Variants in PTP4A1 observed in about 807,000 individuals in gnomAD.
The protein encoded by PTP4A1 is protein tyrosine phosphatase 4A1.
A neutral mutation model predicts 20.5 loss-of-function variants in PTP4A1; 9 were observed. That is an observed-to-expected ratio of 0.44 (90% CI 0.26 to 0.77). The LOEUF (loss-of-function observed/expected upper bound fraction) is 0.77, where lower values mean the gene tolerates loss of function less well. Ranked by LOEUF, PTP4A1 falls within the 30% of genes least tolerant of loss-of-function variation. The probability of loss-of-function intolerance (pLI) is 0.19; values close to 1 mark genes in which losing one functional copy is unlikely to be tolerated. For missense variants in PTP4A1, 137 were observed against 218.8 expected (o/e 0.63, Z 2.36); for synonymous variants, 78 against 67.4 (o/e 1.16, Z -0.77).
chr6:63,562,031 A>G (rs1040598123), intron 3 of PTP4A1, among the ~76,000 whole-genome samples: 6 of 152,220 alleles, frequency 3.9e-5, no homozygotes, highest in African/African-American at 1.4e-4. Flanking sequence ...GGAAGTTATA[A>G]ATAAAAAATT....
chr6:63,552,230 T>G (rs950165695), intron 3 of PTP4A1, among the ~76,000 whole-genome samples: 1 of 152,236 alleles, frequency 6.6e-6, no homozygotes, highest in African/African-American at 2.4e-5. Flanking sequence ...GCATTCTAAC[T>G]GGTGTGAGAT....
rs1358161166 is a variant in PTP4A1 at position 63,581,944 on chromosome 6, T to C, written c.*1770T>C. ...TAATCTAAATCTAGATGTCTTTGTCTAATTTTTTTTGAATAGCAGTTATAA... is the reference window on the plus strand; with the variant it reads ...TAATCTAAATCTAGATGTCTTTGTCCAATTTTTTTTGAATAGCAGTTATAA... On this transcript the variant is annotated 3_prime_UTR_variant, in exon 6 of 6. Coordinates refer to ENST00000626021, the MANE Select transcript of PTP4A1 (RefSeq NM_003463.5). 1 of 152,198 alleles carries C rather than the reference T, an allele frequency of 6.6e-6. No individual in the cohort carries two copies. The highest frequency in any genetic ancestry group is 1.5e-5 in the Non-Finnish European group (1 of 68,012). The allele number at this position is 152,198 out of a possible 1,614,324, so 9.4% of individuals were successfully genotyped here.
rs1430192135 is a variant in PTP4A1, at chr6:63,551,672, G to A, written c.-446+1179G>A. 2.0e-5 allele frequency among the ~76,000 whole-genome samples: 3 copies of A among 151,870 alleles called. No homozygotes were observed. In the East Asian group the frequency reaches 5.8e-4, roughly 29 times the overall value. On this transcript the variant is annotated intron_variant, in intron 3 of 3. Coordinates refer to the PTP4A1 transcript ENST00000639568. ...GTTTACATTAGTTATATCTCCTAAT[G>A]CTATCCCTCCCCCCTCCCCCTACCC...
At chr6:63,538,924 A>G (rs1173360966) in intron 2 of PTP4A1, among the ~76,000 whole-genome samples, 1 of 152,024 alleles carries the variant, frequency 6.6e-6, no homozygotes, top group Admixed American at 6.6e-5. Flanking sequence ...ATGGAGTCTC[A>G]CTCTGTCACC....
chr6:63,563,569 T>C (rs1777057418), intron 3 of PTP4A1, among the ~76,000 whole-genome samples: 1 of 152,224 alleles, frequency 6.6e-6, no homozygotes, highest in African/African-American at 2.4e-5. Flanking sequence ...ATAAATATAT[T>C]CTATGCTTAT....
At chr6:63,528,276 A>G (rs1253318820) in intron 2 of PTP4A1, among the ~76,000 whole-genome samples, 1 of 151,154 alleles carries the variant, frequency 6.6e-6, no homozygotes, top group Admixed American at 6.6e-5. Context: ...CACATAGTAT[A>G]TTTTCTGCTC....
chr6:63,568,546 A>G (rs1777283267), upstream of PTP4A1, among the ~76,000 whole-genome samples: 1 of 152,224 alleles, frequency 6.6e-6, no homozygotes, highest in Admixed American at 6.5e-5. Context: ...AGTTTGAAAT[A>G]TTGGGAGAAT....
Position 63,580,307 on chromosome 6 carries a change from C to CCTCAA in PTP4A1, c.*134_*138dup. ...AGTATTGAAAGGCAGTTTTACCAGG[C>CCTCAA]CTCAAGCTAGACAGATTTGGCAACC... On this transcript the variant is annotated 3_prime_UTR_variant, in exon 6 of 6. Transcript: ENST00000626021. 1.4e-6 allele frequency: 1 copy of CCTCAA among 731,510 alleles called. No individual in the cohort carries two copies. Among genetic ancestry groups the CCTCAA allele is most frequent in the Non-Finnish European group, 2.3e-6 (1 of 437,578 alleles). The allele number at this position is 731,510 out of a possible 1,614,324, so 45.3% of individuals were successfully genotyped here.
chr6:63,549,303 A>T lies in PTP4A1; in HGVS notation c.-639-997A>T. On this transcript the variant is annotated intron_variant, in intron 2 of 3. Transcript: ENST00000639568. ...AGGCACTTTCAGCCACTTACAGAGGATGGCTCTCTGCCGCTGCAACCTGAT... is the reference window on the plus strand; with the variant it reads ...AGGCACTTTCAGCCACTTACAGAGGTTGGCTCTCTGCCGCTGCAACCTGAT... 2 of 753,932 alleles carry T rather than the reference A, an allele frequency of 2.7e-6. 1 individual carries two copies. The highest frequency in any genetic ancestry group is 2.7e-5 in the South Asian group (2 of 73,130). The allele number at this position is 753,932 out of a possible 1,614,324, so 46.7% of individuals were successfully genotyped here.
chr6:63,550,797 G>T (rs1776404927), intron 3 of PTP4A1, among the ~76,000 whole-genome samples: 1 of 151,956 alleles, frequency 6.6e-6, no homozygotes, highest in Non-Finnish European at 1.5e-5. Flanking sequence ...TCTAATTTTT[G>T]TGTTTTTAGT....
intron 1 of PTP4A1, among the ~76,000 whole-genome samples, chr6:63,574,650 T>G (rs1468089144): frequency 2.0e-5 from 3 of 152,134 alleles, no homozygotes; most frequent in Admixed American, 6.6e-5. Flanking sequence ...ATGGAAATAG[T>G]GGTGTGAAAT....
At chr6:63,525,992 G>C (rs374753840) in intron 1 of PTP4A1, among the ~76,000 whole-genome samples, 1 of 152,154 alleles carries the variant, frequency 6.6e-6, no homozygotes, top group Non-Finnish European at 1.5e-5. Flanking sequence ...ATACAAAAGA[G>C]TGGTGCCAGG....
At chr6:63,525,835 G>T (rs547151498) in intron 1 of PTP4A1, among the ~76,000 whole-genome samples, 40 of 152,244 alleles carry the variant, frequency 2.6e-4, no homozygotes, top group African/African-American at 9.4e-4. Flanking sequence ...TAAAATAGTT[G>T]GTGTGGTTTC....
exon 3 of PTP4A1, chr6:63,550,361 A>G (rs1270834258): frequency 6.6e-6 from 1 of 152,240 alleles, no homozygotes; most frequent in East Asian, 1.9e-4. Context: ...TTGGGTCACC[A>G]TTTGGTGAGC....
intron 1 of PTP4A1, among the ~76,000 whole-genome samples, chr6:63,522,560 G>A (rs979765591): frequency 2.0e-5 from 3 of 152,142 alleles, no homozygotes; most frequent in Non-Finnish European, 4.4e-5. Flanking sequence ...AGGTAGAAAA[G>A]GGCTCTATAA....
rs942486267 is a variant in PTP4A1 at position 63,572,517 on chromosome 6, G to C, written c.-648G>C. The C allele has an allele frequency of 5.1e-6, 2 of 391,210 alleles. No individual in the cohort carries two copies. 24.2% of individuals were successfully genotyped at this position (391,210 alleles called of 1,614,324 possible). On this transcript the variant is annotated 5_prime_UTR_variant, in exon 1 of 6. Transcript: ENST00000626021. ...GTATTGGCTCCTTCGGCTGCGGGCC[G>C]GCTCGGCTACGCGCTCTGCTCCGAG...
chr6:63,523,768 T>C (rs1156645828), intron 1 of PTP4A1, among the ~76,000 whole-genome samples: 1 of 152,088 alleles, frequency 6.6e-6, no homozygotes, highest in African/African-American at 2.4e-5. Context: ...TTAGTGTTAG[T>C]GTATTTCATG....
chr6:63,521,172 A>G (rs1010180553), upstream of PTP4A1, among the ~76,000 whole-genome samples: 17 of 152,180 alleles, frequency 1.1e-4, no homozygotes, highest in African/African-American at 4.1e-4. Context: ...TGGTACATGT[A>G]TACCTATGTA....
chr6:63,528,987 G>T (rs952960964), intron 2 of PTP4A1, among the ~76,000 whole-genome samples: 1 of 150,970 alleles, frequency 6.6e-6, no homozygotes, highest in Non-Finnish European at 1.5e-5. Flanking sequence ...TACTTGGGAG[G>T]CTGAGGCAAG....
Sources: gnomAD v4.1 joint callset for allele counts (sites outside exome capture counted in the v4.1 genomes callset) on GRCh38, gnomAD v4.1.1 for gene constraint, MANE v1.5 for transcripts, NCBI Gene and HGNC (gene_info 2026-07-23, HGNC 2026-07-21) for gene names.